The following CNTN4 variants were observed in gnomAD, a reference collection of about 807,000 sequenced individuals.
The protein encoded by CNTN4 is contactin 4.
A neutral mutation model predicts 122.5 loss-of-function variants in CNTN4; 77 were observed. The ratio of observed to expected loss-of-function variants is 0.63; its 90% CI spans 0.52 to 0.76. CNTN4 has a LOEUF of 0.76. Among genes scored for constraint, CNTN4 ranks in the 30% least tolerant of loss-of-function variants. The pLI, the probability that CNTN4 is intolerant of heterozygous loss-of-function variation, is 0.00. For missense variants in CNTN4, 1,256 were observed against 1,259.1 expected (o/e 1.00, Z 0.04); for synonymous variants, 512 against 447.0 (o/e 1.15, Z -1.83).
chr3:2,678,209 T>C (rs2084975976), intron 4 of CNTN4, among the ~76,000 whole-genome samples: 1 of 152,230 alleles, frequency 6.6e-6, no homozygotes, highest in Non-Finnish European at 1.5e-5. Flanking sequence ...GAGGTAATTA[T>C]TTTTAATTGT....
At chr3:2,399,441 G>A (rs554818150) in intron 3 of CNTN4, among the ~76,000 whole-genome samples, 2 of 152,142 alleles carry the variant, frequency 1.3e-5, no homozygotes, top group South Asian at 4.1e-4. Flanking sequence ...GATACCTTAG[G>A]ATTCATTCAT....
chr3:3,048,383 A>G (rs2125854955), intron 23 of CNTN4, among the ~76,000 whole-genome samples: 1 of 152,350 alleles, frequency 6.6e-6, no homozygotes, highest in East Asian at 1.9e-4. Context: ...CTTAGGTTAT[A>G]CACAAATTCT....
intron 12 of CNTN4, among the ~76,000 whole-genome samples, chr3:2,917,486 G>C (rs1028330125): frequency 6.6e-6 from 1 of 152,124 alleles, no homozygotes; most frequent in Non-Finnish European, 1.5e-5. Flanking sequence ...CAGGTCTGAG[G>C]TAGGGCCTGG....
At chr3:2,328,318 A>C (rs1184118127) in intron 2 of CNTN4, among the ~76,000 whole-genome samples, 6 of 150,632 alleles carry the variant, frequency 4.0e-5, no homozygotes, top group Non-Finnish European at 5.9e-5. Context: ...AGGCAGGAGA[A>C]TGGCGGGAAC....
At chr3:2,737,435 T>C (rs7637988) in intron 5 of CNTN4, among the ~76,000 whole-genome samples, 94,011 of 152,064 alleles carry the variant, frequency 0.62, 32,261 homozygotes, top group Non-Finnish European at 0.79. Flanking sequence ...AAGGAGATGA[T>C]TGTTTCCTGA....
chr3:2,595,143 T>G (rs1436685460), intron 4 of CNTN4, among the ~76,000 whole-genome samples: 1 of 152,224 alleles, frequency 6.6e-6, no homozygotes, highest in East Asian at 1.9e-4. Flanking sequence ...AAGGTTCCAT[T>G]GACATGCTTT....
chr3:2,852,685 A>G (rs1451515198), intron 7 of CNTN4, among the ~76,000 whole-genome samples: 1 of 152,220 alleles, frequency 6.6e-6, no homozygotes, highest in Non-Finnish European at 1.5e-5. Context: ...CCATGCTCAC[A>G]AAGTAGTGGT....
At chr3:2,582,044 GATGAAAA>G (rs1158204748) in intron 4 of CNTN4, among the ~76,000 whole-genome samples, 7 of 152,218 alleles carry the variant, frequency 4.6e-5, no homozygotes, top group Non-Finnish European at 1.0e-4. Flanking sequence ...TTTTTAGGCT[GATGAAAA>G]TATTCTGGCA....
rs148252896 is a variant in CNTN4 at position 2,373,146 on chromosome 3, T to C, written c.-89+33913T>C. On this transcript the variant is annotated intron_variant, in intron 3 of 24. Transcript: ENST00000418658. ...AACTTTTTAAGGTAGGGAAGAAAAC[T>C]GGGGTTAGACCAATTAATCTCAAAG... 5.1e-3 allele frequency among the ~76,000 whole-genome samples: 776 copies of C among 152,314 alleles called. 9 individuals are homozygous for C. The highest frequency in any genetic ancestry group is 0.018 in the African/African-American group (746 of 41,556).
chr3:2,289,153 C>T (rs1016515114), intron 2 of CNTN4, among the ~76,000 whole-genome samples: 14 of 152,164 alleles, frequency 9.2e-5, no homozygotes, highest in East Asian at 1.9e-4. Context: ...ATCATACATT[C>T]GCTTTAGAAA....
chr3:2,530,336 G>A (rs2077551596), intron 3 of CNTN4, among the ~76,000 whole-genome samples: 1 of 128,674 alleles, frequency 7.8e-6, no homozygotes, highest in South Asian at 2.5e-4. Flanking sequence ...TTGTGACTGA[G>A]TCTCACTCTG....
chr3:2,362,196 T>C lies in CNTN4; in HGVS notation c.-89+22963T>C, dbSNP rs539670132. ...ATCTATCAGGGGTCCCTATATTCCA[T>C]GTAAAGGATTTCTAACTTTATTCTA... On this transcript the variant is annotated intron_variant, in intron 3 of 24. Transcript: ENST00000418658. 6.8e-5 allele frequency: 12 copies of C among 175,668 alleles called. No homozygotes were observed. The South Asian group carries it at 7.6e-4, about 11-fold the overall frequency. 10.9% of individuals were successfully genotyped at this position (175,668 alleles called of 1,614,324 possible). A position where few individuals can be genotyped will look rare whatever the true frequency, so the allele number is the denominator to read the frequency against.
intron 6 of CNTN4, among the ~76,000 whole-genome samples, chr3:2,762,575 A>T (rs2090639303): frequency 6.6e-6 from 1 of 152,198 alleles, no homozygotes; most frequent in Non-Finnish European, 1.5e-5. Flanking sequence ...TCAGTCTATC[A>T]TTGATGCGCT....
rs572675617 is a variant in CNTN4, at chr3:2,122,017, G to A, written c.-145+21378G>A. 2.9e-4 allele frequency among the ~76,000 whole-genome samples: 38 copies of A among 130,392 alleles called. 1 individual carries two copies. Among genetic ancestry groups the A allele is most frequent in the South Asian group, 6.8e-4 (3 of 4,406 alleles). 85.5% of individuals were successfully genotyped at this position (130,392 alleles called of 152,430 possible). ...AAAAATACAAAAAAATTAGCCGGGC[G>A]TGGTGGCGGCGCCTGTAGTCCCAGC... On this transcript the variant is annotated intron_variant, in intron 2 of 24. Transcript: ENST00000418658.
At chr3:2,242,053 TGAAAGACCA>T (rs1258326043) in intron 2 of CNTN4, among the ~76,000 whole-genome samples, 1 of 152,080 alleles carries the variant, frequency 6.6e-6, no homozygotes, top group African/African-American at 2.4e-5. Context: ...AGGTATTGGG[TGAAAGACCA>T]TCAAAAACTT....
chr3:2,632,064 G>GCACACACACACA (rs35316929), intron 4 of CNTN4, among the ~76,000 whole-genome samples: 2 of 143,938 alleles, frequency 1.4e-5, no homozygotes, highest in African/African-American at 5.1e-5. Flanking sequence ...ATACACATAC[G>GCACACACACACA]CACACACACA....
chr3:2,853,999 A>G (rs1577061762), intron 7 of CNTN4, among the ~76,000 whole-genome samples: 1 of 152,208 alleles, frequency 6.6e-6, no homozygotes, highest in East Asian at 1.9e-4. Context: ...AGCCAAACTC[A>G]TAGATGATTA....
At chr3:2,345,195 G>T (rs1346342858) in intron 3 of CNTN4, among the ~76,000 whole-genome samples, 1 of 152,110 alleles carries the variant, frequency 6.6e-6, no homozygotes, top group Non-Finnish European at 1.5e-5. Flanking sequence ...TTAAGCTGCT[G>T]CCAATAAGAA....
At chr3:2,542,150 T>C (rs1369037254) in intron 3 of CNTN4, among the ~76,000 whole-genome samples, 1 of 152,080 alleles carries the variant, frequency 6.6e-6, no homozygotes, top group Admixed American at 6.6e-5. Context: ...TAACAGCTGG[T>C]TAAATTATGT....
Sources: gnomAD v4.1 joint callset for allele counts (sites outside exome capture counted in the v4.1 genomes callset) on GRCh38, gnomAD v4.1.1 for gene constraint, MANE v1.5 for transcripts, NCBI Gene and HGNC (gene_info 2026-07-23, HGNC 2026-07-21) for gene names.